Variants in CDC42BPA observed in about 807,000 individuals in gnomAD.
CDC42BPA encodes serine/threonine-protein kinase MRCK alpha.
In CDC42BPA, 80 loss-of-function variants were observed where a neutral mutation model predicts 223.5. The observed-to-expected ratio is 0.36, with a 90% CI of 0.30 to 0.43. CDC42BPA has a LOEUF of 0.43. Among genes scored for constraint, CDC42BPA ranks in the 20% least tolerant of loss-of-function variants. The pLI is 1.00. For synonymous variants in CDC42BPA, 694 were observed against 718.6 expected (o/e 0.97, Z 0.55); for missense variants, 1,743 against 2,099.9 (o/e 0.83, Z 3.32).
In CDC42BPA at chr1:227,051,930, TG is replaced by T. The variant is rs769334637; in HGVS notation, c.2959del (p.Gln987SerfsTer19). On this transcript the variant is annotated frameshift_variant, in exon 22 of 37. Coordinates refer to ENST00000366766, the MANE Select transcript of CDC42BPA (RefSeq NM_001394014.1). LOFTEE classifies it high-confidence loss of function. ...VWNPSVKFHI[Q>X]SRSTSPSTSS... ...TGTGGAAGGAGATGTGGACCGTGAC[TG>T]GATGTGAAACTTGACGCTCGGGTTC... is the stretch of plus-strand genomic sequence containing the variant. 2.2e-6 allele frequency: 3 copies of T among 1,366,516 alleles called. No individual in the cohort carries two copies. In the Admixed American group the frequency reaches 5.7e-5, roughly 26 times the overall value. The allele number at this position is 1,366,516 out of a possible 1,614,324, so 84.6% of individuals were successfully genotyped here. A position where few individuals can be genotyped will look rare whatever the true frequency, so the allele number is the denominator to read the frequency against.
chr1:227,051,340 T>G (rs1673485295), intron 22 of CDC42BPA, among the ~76,000 whole-genome samples: 1 of 152,226 alleles, frequency 6.6e-6, no homozygotes, highest in Non-Finnish European at 1.5e-5. Context: ...ATTGGCCTAT[T>G]GGCTATTTAA....
Position 227,302,396 on chromosome 1 carries a change from C to T in CDC42BPA, c.178+14609G>A, listed in dbSNP as rs73098387. On this transcript the variant is annotated intron_variant, in intron 1 of 36. Coordinates refer to ENST00000366766, the MANE Select transcript of CDC42BPA (RefSeq NM_001394014.1). ...CCCGCCCTCATACTTAAGAATTTGT[C>T]TGGATATAGAATTTCAGTTTAGAAA... 5.9e-3 allele frequency among the ~76,000 whole-genome samples: 895 copies of T among 152,268 alleles called. 9 individuals are homozygous for T. The highest frequency in any genetic ancestry group is 0.02 in the African/African-American group (851 of 41,552).
intron 2 of CDC42BPA, among the ~76,000 whole-genome samples, chr1:227,253,281 C>T (rs897099856): frequency 2.0e-5 from 3 of 151,354 alleles, no homozygotes; most frequent in Admixed American, 2.0e-4. Context: ...CGCGCGCGTG[C>T]GCGTGCATGT....
intron 2 of CDC42BPA, among the ~76,000 whole-genome samples, chr1:227,251,028 G>A (rs1417946811): frequency 6.6e-6 from 1 of 152,182 alleles, no homozygotes; most frequent in Admixed American, 6.5e-5. Context: ...ACTGCAGCCA[G>A]AGAGACAAAG....
At chr1:227,240,920 C>T (rs2718199) in intron 2 of CDC42BPA, among the ~76,000 whole-genome samples, 23,980 of 151,772 alleles carry the variant, frequency 0.16, 2,180 homozygotes, top group East Asian at 0.37. Flanking sequence ...CTGCTCTAAA[C>T]GATAATTTTT....
Position 227,317,621 on chromosome 1 carries a change from C to G in CDC42BPA, c.-439G>C. The G allele has an allele frequency of 2.5e-6, 1 of 398,040 alleles. No homozygotes were observed. Among genetic ancestry groups the G allele is most frequent in the Non-Finnish European group, 4.4e-6 (1 of 226,030 alleles). 24.7% of individuals were successfully genotyped at this position (398,040 alleles called of 1,614,324 possible). ...ATGAATAAAGTCCGATTTGCATCAG[C>G]AATTCACTTCCCGGGAAGAAGAAAA... On this transcript the variant is annotated 5_prime_UTR_variant, in exon 1 of 37. Coordinates refer to ENST00000366766, the MANE Select transcript of CDC42BPA (RefSeq NM_001394014.1).
intron 3 of CDC42BPA, among the ~76,000 whole-genome samples, chr1:227,204,409 T>C (rs908658770): frequency 5.3e-5 from 8 of 152,172 alleles, no homozygotes; most frequent in Non-Finnish European, 1.0e-4. Flanking sequence ...GCAAAGATAA[T>C]AGTCCAACTT....
Position 227,009,017 on chromosome 1 carries a change from G to A in CDC42BPA, c.4858-3906C>T, listed in dbSNP as rs1044348864. On this transcript the variant is annotated intron_variant, in intron 34 of 36. Transcript: ENST00000366766. Reference sequence around the variant, plus strand: ...AAGCTCAAAGGAGATGGGAATATCCGTTTCAGGCTATACATTTTTTTATTG... The same window carrying A: ...AAGCTCAAAGGAGATGGGAATATCCATTTCAGGCTATACATTTTTTTATTG... Among the ~76,000 whole-genome samples, 8 of 152,130 alleles carry A rather than the reference G, an allele frequency of 5.3e-5. No homozygotes were observed. The East Asian group carries it at 7.7e-4, about 15-fold the overall frequency.
chr1:227,001,313 T>C (rs983910036), intron 35 of CDC42BPA, among the ~76,000 whole-genome samples: 4 of 152,156 alleles, frequency 2.6e-5, no homozygotes, highest in Non-Finnish European at 4.4e-5. Context: ...CGAGAGGGTC[T>C]TTCCTCTTAT....
At chr1:227,058,739 T>C (rs561724891) in intron 21 of CDC42BPA, among the ~76,000 whole-genome samples, 1 of 152,258 alleles carries the variant, frequency 6.6e-6, no homozygotes, top group South Asian at 2.1e-4. Flanking sequence ...ATTTACAGTT[T>C]GTTAATAATA....
intron 3 of CDC42BPA, among the ~76,000 whole-genome samples, chr1:227,203,777 A>C (rs61834570): frequency 2.0e-5 from 3 of 152,158 alleles, no homozygotes; most frequent in Non-Finnish European, 2.9e-5. Context: ...TATTCAGTCT[A>C]TATTATTTAA....
intron 15 of CDC42BPA, among the ~76,000 whole-genome samples, chr1:227,093,016 A>C (rs4653789): frequency 0.72 from 109,551 of 152,048 alleles, 39,799 homozygotes; most frequent in South Asian, 0.77. Flanking sequence ...ATTCACAGAC[A>C]CAATTCAAGT....
chr1:227,214,681 T>C (rs1674520512), intron 2 of CDC42BPA, among the ~76,000 whole-genome samples: 6 of 152,120 alleles, frequency 3.9e-5, no homozygotes, highest in Admixed American at 3.9e-4. Context: ...CACCCTCTTA[T>C]TCTGATTGAG....
chr1:227,077,313 A>G (rs184917455), intron 17 of CDC42BPA, among the ~76,000 whole-genome samples: 54 of 152,312 alleles, frequency 3.5e-4, no homozygotes, highest in African/African-American at 9.4e-4. Flanking sequence ...AAATAAGAAT[A>G]CATGTGAATT....
Position 227,193,524 on chromosome 1 carries a change from C to A in CDC42BPA, c.599+262G>T, listed in dbSNP as rs1395944597. The A allele has an allele frequency of 1.7e-5, 6 of 354,322 alleles. No individual in the cohort carries two copies. The East Asian group carries it at 3.1e-4, about 18-fold the overall frequency. The allele number at this position is 354,322 out of a possible 1,614,324, so 21.9% of individuals were successfully genotyped here. A position where few individuals can be genotyped will look rare whatever the true frequency, so the allele number is the denominator to read the frequency against. Reference sequence around the variant, plus strand: ...CTCACCTCCTCCCACCTTTCCTAGTCTCCAATGTCTATTATTCTAGGAGTG... The same window carrying A: ...CTCACCTCCTCCCACCTTTCCTAGTATCCAATGTCTATTATTCTAGGAGTG... On this transcript the variant is annotated intron_variant, in intron 5 of 36. Transcript: ENST00000366766.
chr1:227,189,400 A>G (rs1669351880), intron 5 of CDC42BPA, among the ~76,000 whole-genome samples: 1 of 152,200 alleles, frequency 6.6e-6, no homozygotes, highest in Non-Finnish European at 1.5e-5. Flanking sequence ...TCTTATTTAT[A>G]ATAATTTTAA....
At chr1:227,147,302 G>T in intron 7 of CDC42BPA, 57 bp downstream of exon 7, 1 of 1,240,194 alleles carries the variant, frequency 8.1e-7, no homozygotes, top group Non-Finnish European at 1.1e-6. Flanking sequence ...TTTAAAAATG[G>T]TTTTATTATA....
chr1:227,238,278 A>G (rs928560472), intron 2 of CDC42BPA, among the ~76,000 whole-genome samples: 3 of 151,520 alleles, frequency 2.0e-5, no homozygotes, highest in Non-Finnish European at 4.4e-5. Context: ...AGATAGCTTG[A>G]GCCCAGGAGT....
intron 1 of CDC42BPA, among the ~76,000 whole-genome samples, chr1:227,300,827 T>C (rs895471389): frequency 5.3e-5 from 8 of 152,180 alleles, no homozygotes; most frequent in Non-Finnish European, 1.2e-4. Context: ...TATGAGAATT[T>C]ACACACACGC....
Sources: allele counts gnomAD v4.1 joint callset (sites outside exome capture counted in the v4.1 genomes callset), GRCh38; gene constraint gnomAD v4.1.1; transcripts MANE v1.5; gene names NCBI Gene and HGNC (gene_info 2026-07-23, HGNC 2026-07-21).